TLE1: variants seen among roughly 807,000 people sequenced by gnomAD.
TLE1 encodes TLE family member 1, transcriptional corepressor.
Under a neutral mutation model 89.8 loss-of-function variants are expected in TLE1, and 21 were observed. The ratio of observed to expected loss-of-function variants is 0.23; its 90% CI spans 0.17 to 0.34. The LOEUF (loss-of-function observed/expected upper bound fraction) is 0.34. TLE1 is among the 10% of genes least tolerant of loss of function. TLE1 has a pLI of 1.00. For synonymous variants in TLE1, 447 were observed against 407.6 expected, an observed-to-expected ratio of 1.10 and a Z score of -1.16; for missense variants, 795 against 1,031.2, an observed-to-expected ratio of 0.77 and a Z score of 3.14.
At chr9:81,600,804 C>T (rs1382094488) in intron 14 of TLE1, among the ~76,000 whole-genome samples, 5 of 152,080 alleles carry the variant, frequency 3.3e-5, no homozygotes, top group Non-Finnish European at 7.4e-5. Context: ...TAAAGAAGGT[C>T]CCCCACCAGT....
Position 81,588,148 on chromosome 9 carries a change from A to G in TLE1, c.1830-320T>C, listed in dbSNP as rs181051381. ...AAGGTAAAATTCTTTCCAGGTCTGG[A>G]AAAGTGTTTAATTGTTAAATAGAAA... On this transcript the variant is annotated intron_variant, in intron 16 of 19. Coordinates refer to ENST00000376499, the MANE Select transcript of TLE1 (RefSeq NM_005077.5). Among the ~76,000 whole-genome samples the G allele has an allele frequency of 4.6e-5, 7 of 152,324 alleles. No individual in the cohort carries two copies. In the East Asian group the frequency reaches 1.4e-3, roughly 29 times the overall value.
intron 4 of TLE1, among the ~76,000 whole-genome samples, chr9:81,673,272 TAAAAAAAAAA>T (rs5898756): frequency 1.0e-5 from 1 of 97,998 alleles, no homozygotes; most frequent in Non-Finnish European, 1.9e-5. Flanking sequence ...AGACTTCATT[TAAAAAAAAAA>T]AAAAAAAAAA....
At chr9:81,616,520 T>C in intron 10 of TLE1, 126 bp downstream of exon 10, 1 of 881,576 alleles carries the variant, frequency 1.1e-6, no homozygotes, top group South Asian at 1.5e-5. Flanking sequence ...CATTAACTTC[T>C]TAATGTAAGA....
intron 9 of TLE1, among the ~76,000 whole-genome samples, chr9:81,617,915 C>G (rs916998092): frequency 9.9e-5 from 15 of 152,042 alleles, no homozygotes; most frequent in African/African-American, 3.1e-4. Flanking sequence ...ATCCCAGCTA[C>G]TCCGGAGGCT....
intron 8 of TLE1, among the ~76,000 whole-genome samples, chr9:81,628,413 C>T (rs548063990): frequency 3.9e-5 from 6 of 152,082 alleles, no homozygotes; most frequent in East Asian, 1.9e-4. Context: ...CATAGGCCTC[C>T]GGGAATGAAC....
chr9:81,612,018 G>A (rs1823781414), intron 12 of TLE1, 59 bp from the exon 13 acceptor site: 1 of 1,306,798 alleles, frequency 7.7e-7, no homozygotes, highest in Non-Finnish European at 1.0e-6. Context: ...AACCTGACCA[G>A]CAAGTCTGGC....
Position 81,584,159 on chromosome 9 carries a change from G to T in TLE1, c.*39C>A. 1 of 1,520,332 alleles carries T rather than the reference G, an allele frequency of 6.6e-7. No homozygotes were observed. Among genetic ancestry groups the T allele is most frequent in the Non-Finnish European group, 9.1e-7 (1 of 1,096,950 alleles). The allele number at this position is 1,520,332 out of a possible 1,614,324, so 94.2% of individuals were successfully genotyped here. On this transcript the variant is annotated 3_prime_UTR_variant, in exon 20 of 20. Coordinates refer to ENST00000376499, the MANE Select transcript of TLE1 (RefSeq NM_005077.5). ...TATTTCTATAAATTCGAAACATTTT[G>T]GCCCAATTCAACTATAAACGTTAAA...
chr9:81,688,135 G>C, intron 1 of TLE1, 82 bp downstream of exon 1: 1 of 1,561,586 alleles, frequency 6.4e-7, no homozygotes, highest in East Asian at 2.4e-5. Context: ...CCGGGCCTCA[G>C]AAGCCACCAG....
chr9:81,645,240 TC>T (rs1828701070), intron 6 of TLE1, among the ~76,000 whole-genome samples: 1 of 150,426 alleles, frequency 6.6e-6, no homozygotes, highest in African/African-American at 2.4e-5. Context: ...ATGTCTGTAA[TC>T]CCAGCTACTT....
intron 4 of TLE1, among the ~76,000 whole-genome samples, chr9:81,671,396 T>C (rs1832204332): frequency 6.6e-6 from 1 of 151,490 alleles, no homozygotes; most frequent in South Asian, 2.1e-4. Flanking sequence ...CCTGTAATCC[T>C]AGCACTTTGG....
chr9:81,689,484 T>TGCTGCTTCTGCAGCC lies in TLE1; in HGVS notation c.-1259_-1245dup, dbSNP rs1834756261. Among the ~76,000 whole-genome samples, 1 of 152,108 alleles carries TGCTGCTTCTGCAGCC rather than the reference T, an allele frequency of 6.6e-6. No individual in the cohort carries two copies. On this transcript the variant is annotated 5_prime_UTR_variant, in exon 1 of 20. Transcript: ENST00000376499. ...GAGTACCCGCCGCTGTTTCTGCTGCTGCTGCTTCTGCAGCCGCCGCTCCCA... is the reference window on the plus strand; with the variant it reads ...GAGTACCCGCCGCTGTTTCTGCTGCTGCTGCTTCTGCAGCCGCTGCTTCTGCAGCCGCCGCTCCCA...
At chr9:81,627,318 C>CTTT (rs56255759) in intron 8 of TLE1, among the ~76,000 whole-genome samples, 159 of 147,720 alleles carry the variant, frequency 1.1e-3, no homozygotes, top group African/African-American at 3.6e-3. Context: ...TGTTCTCTCA[C>CTTT]TTTTTTTTTT....
intron 16 of TLE1, 28 bp downstream of exon 16, chr9:81,590,777 C>T (rs757335878): frequency 2.5e-6 from 4 of 1,603,892 alleles, no homozygotes; most frequent in Admixed American, 3.3e-5. Flanking sequence ...AGAAGCGAAC[C>T]CCTCCTTAGA....
chr9:81,682,765 T>G (rs938028063), intron 4 of TLE1, among the ~76,000 whole-genome samples: 6 of 152,184 alleles, frequency 3.9e-5, no homozygotes, highest in Non-Finnish European at 7.3e-5. Context: ...ATTGTCTACC[T>G]CTACTGTATA....
At chr9:81,640,948 A>C (rs1360389511) in intron 6 of TLE1, among the ~76,000 whole-genome samples, 3 of 152,196 alleles carry the variant, frequency 2.0e-5, no homozygotes, top group African/African-American at 7.2e-5. Context: ...CCCGCTTTGT[A>C]ACCCCAAGAA....
intron 16 of TLE1, among the ~76,000 whole-genome samples, chr9:81,590,314 G>C (rs1264791368): frequency 6.6e-6 from 1 of 152,224 alleles, no homozygotes; most frequent in Admixed American, 6.5e-5. Flanking sequence ...ACCACCCCTG[G>C]GCAGGTCTAT....
Position 81,620,321 on chromosome 9 carries a change from C to T in TLE1, c.711+120G>A, listed in dbSNP as rs750120337. 214 of 805,674 alleles carry T rather than the reference C, an allele frequency of 2.7e-4. 1 individual carries two copies. The highest frequency in any genetic ancestry group is 3.8e-4 in the Non-Finnish European group (191 of 496,122). 49.9% of individuals were successfully genotyped at this position (805,674 alleles called of 1,614,324 possible). The stretch of plus-strand genomic sequence containing the variant: ...ATACTATCCTACAATGTAAGAACCT[C>T]TCCTCTTTACAGTATTATGTTTAAG... On this transcript the variant is annotated intron_variant, in intron 9 of 19. Coordinates refer to ENST00000376499, the MANE Select transcript of TLE1 (RefSeq NM_005077.5).
chr9:81,631,815 C>T (rs1419792234), intron 8 of TLE1, among the ~76,000 whole-genome samples: 1 of 152,210 alleles, frequency 6.6e-6, no homozygotes, highest in African/African-American at 2.4e-5. Context: ...TAAAAGATGA[C>T]TATCTCACCG....
chr9:81,587,922 G>GTGTGTGTGTGTCATCCCGCC, intron 16 of TLE1, 94 bp from the exon 17 acceptor site: 1 of 1,014,472 alleles, frequency 9.9e-7, no homozygotes, highest in Non-Finnish European at 1.4e-6. Context: ...GTGTGTGTGT[G>GTGTGTGTGTGTCATCCCGCC]TGTGTGTGTG....
Sources: gnomAD v4.1 joint callset for allele counts (sites outside exome capture counted in the v4.1 genomes callset) on GRCh38, gnomAD v4.1.1 for gene constraint, MANE v1.5 for transcripts, NCBI Gene and HGNC (gene_info 2026-07-23, HGNC 2026-07-21) for gene names.